The following OPCML variants were observed in gnomAD, a reference collection of about 807,000 sequenced individuals.
The protein encoded by OPCML is opioid-binding protein/cell adhesion molecule.
OPCML carries 13 observed loss-of-function variants against 37.8 expected under a neutral mutation model. The observed-to-expected ratio is 0.34, with a 90% CI of 0.22 to 0.55. The LOEUF is 0.55. Ranked by LOEUF, OPCML falls within the 20% of genes least tolerant of loss-of-function variation. The probability of loss-of-function intolerance (pLI) is 0.91; values close to 1 mark genes in which losing one functional copy is unlikely to be tolerated. For synonymous variants in OPCML, 176 were observed against 168.8 expected, an observed-to-expected ratio of 1.04 and a Z score of -0.33; for missense variants, 341 against 435.6, an observed-to-expected ratio of 0.78 and a Z score of 1.93.
chr11:133,028,277 G>C (rs1182664942), intron 1 of OPCML, among the ~76,000 whole-genome samples: 1 of 152,042 alleles, frequency 6.6e-6, no homozygotes, highest in South Asian at 2.1e-4. Flanking sequence ...ATTCCTACAG[G>C]TGGGATGTCA....
chr11:132,916,736 A>G (rs1380898199), intron 2 of OPCML, among the ~76,000 whole-genome samples: 1 of 152,066 alleles, frequency 6.6e-6, no homozygotes, highest in Non-Finnish European at 1.5e-5. Context: ...ACCATCTAAG[A>G]CTTTGTAGGG....
At chr11:133,265,793 T>C (rs1454745620) in intron 1 of OPCML, among the ~76,000 whole-genome samples, 1 of 152,102 alleles carries the variant, frequency 6.6e-6, no homozygotes, top group African/African-American at 2.4e-5. Context: ...AAACAGGCAC[T>C]GGGATAAATT....
intron 4 of OPCML, among the ~76,000 whole-genome samples, chr11:132,519,629 T>G: frequency 6.6e-6 from 1 of 152,160 alleles, no homozygotes; most frequent in East Asian, 1.9e-4. Flanking sequence ...TTGCTAGACC[T>G]TCACACACTT....
chr11:133,058,916 T>C (rs1238689057), intron 1 of OPCML, among the ~76,000 whole-genome samples: 1 of 152,234 alleles, frequency 6.6e-6, no homozygotes, highest in Non-Finnish European at 1.5e-5. Flanking sequence ...GGTTCCAAGC[T>C]TGCCTCACTG....
chr11:133,107,946 G>A (rs1420563197), intron 1 of OPCML, among the ~76,000 whole-genome samples: 2 of 152,340 alleles, frequency 1.3e-5, no homozygotes, highest in East Asian at 1.9e-4. Context: ...CACAGATGGT[G>A]TGGGTTGGGA....
chr11:132,444,509 T>G (rs1298953230), intron 4 of OPCML, among the ~76,000 whole-genome samples: 1 of 152,194 alleles, frequency 6.6e-6, no homozygotes, highest in Non-Finnish European at 1.5e-5. Context: ...TTCTTCCTAG[T>G]CCATTGTCCA....
intron 2 of OPCML, among the ~76,000 whole-genome samples, chr11:132,823,418 G>A (rs1056800082): frequency 3.3e-5 from 5 of 151,924 alleles, no homozygotes; most frequent in African/African-American, 9.7e-5. Flanking sequence ...ACCACTATTG[G>A]TGGCTAGCAC....
At chr11:133,058,518 T>A (rs995133925) in intron 1 of OPCML, among the ~76,000 whole-genome samples, 16 of 152,150 alleles carry the variant, frequency 1.1e-4, no homozygotes, top group Admixed American at 6.5e-5. Context: ...CTCAACCAGT[T>A]AGGGACTCTC....
intron 2 of OPCML, among the ~76,000 whole-genome samples, chr11:132,917,144 C>T (rs1944633754): frequency 2.0e-5 from 3 of 152,108 alleles, no homozygotes; most frequent in South Asian, 2.1e-4. Context: ...AGACAAATAC[C>T]GTACGCTCTA....
chr11:132,497,891 T>G (rs1237714941), intron 4 of OPCML, among the ~76,000 whole-genome samples: 1 of 152,182 alleles, frequency 6.6e-6, no homozygotes. Context: ...TTTTAAATTT[T>G]TTTAAAAAAC....
chr11:133,157,459 C>T (rs1005616909), intron 1 of OPCML, among the ~76,000 whole-genome samples: 1 of 152,128 alleles, frequency 6.6e-6, no homozygotes, highest in Non-Finnish European at 1.5e-5. Flanking sequence ...CCATTTTGGG[C>T]TCTCTCTTCA....
chr11:132,876,879 A>C (rs1943039426), intron 2 of OPCML, among the ~76,000 whole-genome samples: 1 of 152,200 alleles, frequency 6.6e-6, no homozygotes, highest in Non-Finnish European at 1.5e-5. Context: ...TTTTCAAGAC[A>C]GGTAAGGCTC....
intron 1 of OPCML, among the ~76,000 whole-genome samples, chr11:133,247,220 G>C (rs896780058): frequency 6.6e-6 from 1 of 152,132 alleles, no homozygotes; most frequent in Non-Finnish European, 1.5e-5. Context: ...ACATATGAAG[G>C]GTGGGCTAGT....
intron 4 of OPCML, 151 bp downstream of exon 4, chr11:132,528,910 A>G: frequency 2.0e-6 from 1 of 512,534 alleles, no homozygotes. Context: ...CTTCTTTTGA[A>G]ATGAAATAGC....
intron 3 of OPCML, among the ~76,000 whole-genome samples, chr11:132,539,477 G>A (rs2096349922): frequency 1.3e-5 from 2 of 152,158 alleles, no homozygotes; most frequent in Admixed American, 1.3e-4. Context: ...TTTTGTAACA[G>A]CAGTTGGGCT....
intron 1 of OPCML, among the ~76,000 whole-genome samples, chr11:133,477,164 T>TC (rs138126082): frequency 4.6e-5 from 7 of 152,066 alleles, no homozygotes; most frequent in Admixed American, 2.0e-4. Context: ...CAGTTGTTTT[T>TC]CCCCCCACGT....
intron 1 of OPCML, among the ~76,000 whole-genome samples, chr11:133,141,640 T>C (rs919235587): frequency 2.0e-5 from 3 of 152,120 alleles, no homozygotes; most frequent in Non-Finnish European, 4.4e-5. Flanking sequence ...TTCACCTGGC[T>C]GCTCCCAGCA....
chr11:132,850,020 T>C (rs1231870060), intron 2 of OPCML, among the ~76,000 whole-genome samples: 1 of 152,218 alleles, frequency 6.6e-6, no homozygotes, highest in Non-Finnish European at 1.5e-5. Context: ...AATACTGTCA[T>C]CTTTAACCTG....
At position 132,869,534 on chromosome 11, in the gene OPCML, A is replaced by T. The variant is rs75065213; in HGVS notation, c.146+73392T>A. On this transcript the variant is annotated intron_variant, in intron 2 of 7. Transcript: ENST00000524381. ...CACAAATGGTTAAAAAAAAATGAGGATGATGAAATAATGAACCTTTTTTCC... is the reference window on the plus strand; with the variant it reads ...CACAAATGGTTAAAAAAAAATGAGGTTGATGAAATAATGAACCTTTTTTCC... Among the ~76,000 whole-genome samples the T allele has an allele frequency of 5.1e-4, 78 of 152,318 alleles. No homozygotes were observed. In the East Asian group the frequency reaches 0.014, roughly 28 times the overall value.
Sources: allele counts gnomAD v4.1 joint callset (sites outside exome capture counted in the v4.1 genomes callset), GRCh38; gene constraint gnomAD v4.1.1; transcripts MANE v1.5; gene names NCBI Gene and HGNC (gene_info 2026-07-23, HGNC 2026-07-21).